The following MTDH variants were observed in gnomAD, a reference collection of about 807,000 sequenced individuals.
The protein encoded by MTDH is metadherin, also known as protein LYRIC.
MTDH carries 34 observed loss-of-function variants against 72.7 expected under a neutral mutation model. That is an observed-to-expected ratio of 0.47 (90% CI 0.36 to 0.62). MTDH has a LOEUF of 0.62. Ranked by LOEUF, MTDH falls within the 20% of genes least tolerant of loss-of-function variation. The pLI is 0.00. For synonymous variants in MTDH, 266 were observed against 268.9 expected (o/e 0.99, Z 0.10); for missense variants, 677 against 699.4 (o/e 0.97, Z 0.36).
At chr8:97,718,066 A>G (rs1814946707) in intron 9 of MTDH, among the ~76,000 whole-genome samples, 1 of 141,924 alleles carries the variant, frequency 7.0e-6, no homozygotes, top group South Asian at 2.2e-4. Flanking sequence ...TTGTATTTTT[A>G]GTAGAGATAG....
chr8:97,672,555 C>T (rs1812666897), intron 2 of MTDH, among the ~76,000 whole-genome samples: 1 of 152,198 alleles, frequency 6.6e-6, no homozygotes, highest in Non-Finnish European at 1.5e-5. Flanking sequence ...CCATATTTAT[C>T]CCTCTAGACT....
chr8:97,683,664 G>C lies in MTDH; in HGVS notation c.484-3004G>C, dbSNP rs556782751. ...CCACCTCAACCTTCCAAATTGCTGG[G>C]ATTACAGGTGTAAACCACCGCACTC... On this transcript the variant is annotated intron_variant, in intron 2 of 11. Transcript: ENST00000336273. 1.6e-4 allele frequency among the ~76,000 whole-genome samples: 24 copies of C among 152,066 alleles called. No homozygotes were observed. The East Asian group carries it at 4.5e-3, about 28-fold the overall frequency.
chr8:97,659,674 G>A (rs1371588937), intron 1 of MTDH, among the ~76,000 whole-genome samples: 2 of 152,174 alleles, frequency 1.3e-5, no homozygotes, highest in Non-Finnish European at 2.9e-5. Context: ...GCTGATAAAA[G>A]TGTGTTCTGT....
At chr8:97,676,176 G>A (rs1812838936) in intron 2 of MTDH, among the ~76,000 whole-genome samples, 1 of 152,162 alleles carries the variant, frequency 6.6e-6, no homozygotes, top group African/African-American at 2.4e-5. Flanking sequence ...CTGGATGCAT[G>A]TGTTCCTCCC....
chr8:97,706,114 AG>A (rs1297929483), intron 7 of MTDH, among the ~76,000 whole-genome samples: 3 of 152,190 alleles, frequency 2.0e-5, no homozygotes, highest in Non-Finnish European at 4.4e-5. Flanking sequence ...GAAAAATAAG[AG>A]GTTGAATATT....
intron 5 of MTDH, among the ~76,000 whole-genome samples, chr8:97,690,260 G>A (rs111874621): frequency 3.3e-5 from 5 of 152,250 alleles, no homozygotes; most frequent in African/African-American, 1.2e-4. Context: ...CCAAAGTGCT[G>A]GGATTACAAG....
intron 2 of MTDH, among the ~76,000 whole-genome samples, chr8:97,666,690 C>G (rs1345434827): frequency 6.6e-6 from 1 of 152,106 alleles, no homozygotes; most frequent in Non-Finnish European, 1.5e-5. Flanking sequence ...AACTTCCACT[C>G]ATTATATTCT....
chr8:97,706,744 T>A lies in MTDH; in HGVS notation c.1266T>A (p.Asp422Glu). Residue 422 changes from aspartate (D) to glutamate (E), a missense_variant, in exon 8 of 12, where the codon GAT becomes GAA. Physicochemically the swap from Asp to Glu is conservative, Grantham distance 45. Transcript: ENST00000336273. ...AGTCCCAGGAACCAATTCCTGATGA[T>A]CAAAAGGTGAGTATAAGAGATTCCT... ...LLKSQEPIPD[D>E]QKVSDDDKEK... 1 of 1,613,050 alleles carries A rather than the reference T, an allele frequency of 6.2e-7. No individual in the cohort carries two copies. The highest frequency in any genetic ancestry group is 8.5e-7 in the Non-Finnish European group (1 of 1,179,622).
At chr8:97,705,070 A>C (rs531747354) in intron 7 of MTDH, among the ~76,000 whole-genome samples, 1 of 152,320 alleles carries the variant, frequency 6.6e-6, no homozygotes, top group African/African-American at 2.4e-5. Context: ...AGGCTGAGGC[A>C]GGTGGATCAA....
chr8:97,665,308 C>G (rs1812335168), intron 2 of MTDH, among the ~76,000 whole-genome samples: 1 of 152,124 alleles, frequency 6.6e-6, no homozygotes. Context: ...GCAGGTTAAA[C>G]TGCTATAGTT....
At chr8:97,704,779 T>G (rs1056797461) in intron 7 of MTDH, among the ~76,000 whole-genome samples, 5 of 152,174 alleles carry the variant, frequency 3.3e-5, no homozygotes, top group Non-Finnish European at 5.9e-5. Context: ...TTTTAAAACT[T>G]TCATAAGAAT....
At chr8:97,664,085 A>G (rs1812283438) in intron 2 of MTDH, among the ~76,000 whole-genome samples, 1 of 151,884 alleles carries the variant, frequency 6.6e-6, no homozygotes, top group Non-Finnish European at 1.5e-5. Flanking sequence ...GCCGGGCACA[A>G]TGGCTCAAGC....
At position 97,695,789 on chromosome 8, in the gene MTDH, C is replaced by G. The variant is rs535999139; in HGVS notation, c.1049-3965C>G. ...GGCTAGTTATTTAACCTGTATGAAC[C>G]TCATACTTATGTAATTGTGAGGATT... On this transcript the variant is annotated intron_variant, in intron 6 of 11. Transcript: ENST00000336273. Among the ~76,000 whole-genome samples, 18 of 152,018 alleles carry G rather than the reference C, an allele frequency of 1.2e-4. 1 individual carries two copies. Among genetic ancestry groups the G allele is most frequent in the African/African-American group, 4.4e-4 (18 of 41,366 alleles).
intron 4 of MTDH, among the ~76,000 whole-genome samples, chr8:97,688,661 C>T (rs1813463582): frequency 6.6e-6 from 1 of 152,126 alleles, no homozygotes; most frequent in African/African-American, 2.4e-5. Context: ...TGTTTGCTTC[C>T]AGGATTGTTG....
At chr8:97,707,351 T>C (rs1031837514) in intron 8 of MTDH, among the ~76,000 whole-genome samples, 3 of 151,792 alleles carry the variant, frequency 2.0e-5, no homozygotes, top group African/African-American at 7.3e-5. Flanking sequence ...GATTTCACCA[T>C]GTTGGCAAAG....
At chr8:97,688,463 C>T (rs1038281808) in intron 4 of MTDH, among the ~76,000 whole-genome samples, 37 of 152,086 alleles carry the variant, frequency 2.4e-4, no homozygotes, top group East Asian at 1.5e-3. Context: ...GATTCTTTTT[C>T]GCTGTCTTGT....
At chr8:97,661,258 G>C in intron 2 of MTDH, 85 bp downstream of exon 2, 1 of 976,444 alleles carries the variant, frequency 1.0e-6, no homozygotes, top group Non-Finnish European at 1.5e-6. Context: ...TCATAAGATT[G>C]TATGTATACC....
chr8:97,699,647 G>A, intron 6 of MTDH, 107 bp from the exon 7 acceptor site: 1 of 663,614 alleles, frequency 1.5e-6, no homozygotes, highest in African/African-American at 1.8e-5. Flanking sequence ...TTCCTTTTAG[G>A]AGAAATTTTA....
At chr8:97,702,878 C>A (rs1315344500) in intron 7 of MTDH, among the ~76,000 whole-genome samples, 2 of 151,612 alleles carry the variant, frequency 1.3e-5, no homozygotes, top group Non-Finnish European at 2.9e-5. Flanking sequence ...ATTCCATAAG[C>A]AAATTAAATG....
Sources: gnomAD v4.1 joint callset for allele counts (sites outside exome capture counted in the v4.1 genomes callset) on GRCh38, gnomAD v4.1.1 for gene constraint, MANE v1.5 for transcripts, NCBI Gene and HGNC (gene_info 2026-07-23, HGNC 2026-07-21) for gene names.